CREB5: variants seen among roughly 807,000 people sequenced by gnomAD.
CREB5 encodes cAMP responsive element binding protein 5, also known as cyclic AMP-responsive element-binding protein 5.
A neutral mutation model predicts 57.1 loss-of-function variants in CREB5; 19 were observed. The ratio of observed to expected loss-of-function variants is 0.33; its 90% CI spans 0.23 to 0.49. The LOEUF is 0.49. Among genes scored for constraint, CREB5 ranks in the 20% least tolerant of loss-of-function variants. The probability of loss-of-function intolerance (pLI) is 0.99; values close to 1 mark genes in which losing one functional copy is unlikely to be tolerated. For missense variants in CREB5, 579 were observed against 671.6 expected (o/e 0.86, Z 1.52); for synonymous variants, 238 against 238.3 (o/e 1.00, Z 0.01).
intron 4 of CREB5, among the ~76,000 whole-genome samples, chr7:28,557,227 AG>A (rs559200806): frequency 2.3e-5 from 3 of 128,420 alleles, no homozygotes; most frequent in Non-Finnish European, 5.5e-5. Context: ...CTCAGACTAA[AG>A]CATCACCTTC....
intron 1 of CREB5, among the ~76,000 whole-genome samples, chr7:28,459,502 G>A (rs1254832369): frequency 6.6e-6 from 1 of 152,166 alleles, no homozygotes; most frequent in African/African-American, 2.4e-5. Flanking sequence ...TCCATGGAGT[G>A]ATTTTAGGTT....
chr7:28,696,318 A>G (rs1801557189), intron 5 of CREB5, among the ~76,000 whole-genome samples: 1 of 152,358 alleles, frequency 6.6e-6, no homozygotes, highest in Middle Eastern at 3.4e-3. Flanking sequence ...GATGCACTGA[A>G]TGCAAATCAG....
intron 5 of CREB5, among the ~76,000 whole-genome samples, chr7:28,646,467 C>G (rs1320344083): frequency 1.3e-5 from 2 of 152,160 alleles, no homozygotes; most frequent in Admixed American, 6.5e-5. Context: ...GAGGTGATAC[C>G]TGCTTTATCT....
intron 7 of CREB5, among the ~76,000 whole-genome samples, chr7:28,800,465 C>G (rs1808295949): frequency 6.6e-6 from 1 of 152,186 alleles, no homozygotes; most frequent in South Asian, 2.1e-4. Context: ...GGGCTTGGAC[C>G]TTCATCCCCT....
intron 4 of CREB5, among the ~76,000 whole-genome samples, chr7:28,549,496 G>A (rs1466614808): frequency 6.6e-6 from 1 of 152,166 alleles, no homozygotes; most frequent in Non-Finnish European, 1.5e-5. Flanking sequence ...GATCGCATCT[G>A]GTATTTAGTA....
chr7:28,490,915 C>A (rs1413529146), intron 2 of CREB5, among the ~76,000 whole-genome samples: 2 of 152,182 alleles, frequency 1.3e-5, no homozygotes, highest in Non-Finnish European at 2.9e-5. Flanking sequence ...TGGCAACAGG[C>A]AGGGTAGAAA....
intron 5 of CREB5, among the ~76,000 whole-genome samples, chr7:28,573,568 C>A (rs541278649): frequency 6.6e-6 from 1 of 152,156 alleles, no homozygotes; most frequent in East Asian, 1.9e-4. Flanking sequence ...GGCTCCTGCT[C>A]CCCCCTCTTC....
In CREB5 at chr7:28,506,440, C is replaced by A. The variant is rs534684778; in HGVS notation, c.170-1176C>A. On this transcript the variant is annotated intron_variant, in intron 3 of 10. Transcript: ENST00000357727. Reference sequence around the variant, plus strand: ...CAGTCTAGATCAAGCTGGGAAAATGCCATAATTAATCTAATCCAGTCTACT... The same window carrying A: ...CAGTCTAGATCAAGCTGGGAAAATGACATAATTAATCTAATCCAGTCTACT... Among the ~76,000 whole-genome samples, 4 of 152,246 alleles carry A rather than the reference C, an allele frequency of 2.6e-5. No homozygotes were observed. The South Asian group carries it at 8.3e-4, about 32-fold the overall frequency.
chr7:28,789,163 C>T (rs1484379146), intron 7 of CREB5, among the ~76,000 whole-genome samples: 1 of 152,202 alleles, frequency 6.6e-6, no homozygotes, highest in Non-Finnish European at 1.5e-5. Flanking sequence ...CTGTATTTGT[C>T]ACTATAGATG....
intron 1 of CREB5, among the ~76,000 whole-genome samples, chr7:28,339,896 G>A (rs1367948311): frequency 6.6e-6 from 1 of 152,180 alleles, no homozygotes; most frequent in African/African-American, 2.4e-5. Context: ...AGGAAAAGGA[G>A]TCTCTCCCCA....
intron 1 of CREB5, among the ~76,000 whole-genome samples, chr7:28,421,858 TATATATACCA>T: frequency 6.8e-4 from 1 of 1,470 alleles, no homozygotes; most frequent in African/African-American, 3.1e-3. Context: ...TCTCTCTCTC[TATATATACCA>T]TATATATGGT....
At chr7:28,646,062 AC>A (rs1798876020) in intron 5 of CREB5, among the ~76,000 whole-genome samples, 1 of 152,186 alleles carries the variant, frequency 6.6e-6, no homozygotes, top group Non-Finnish European at 1.5e-5. Flanking sequence ...AACTAGAACT[AC>A]ACCACCAGCA....
At chr7:28,705,498 G>A (rs1410060521) in intron 5 of CREB5, among the ~76,000 whole-genome samples, 1 of 151,232 alleles carries the variant, frequency 6.6e-6, no homozygotes, top group East Asian at 1.9e-4. Context: ...TGTACTGTCA[G>A]TCACTTTCCG....
intron 7 of CREB5, among the ~76,000 whole-genome samples, chr7:28,802,876 A>C (rs1808453534): frequency 6.6e-6 from 1 of 152,272 alleles, no homozygotes; most frequent in South Asian, 2.1e-4. Context: ...CAAAAGTAGA[A>C]TAACATTTCT....
chr7:28,812,610 G>A (rs1249226116), intron 9 of CREB5, among the ~76,000 whole-genome samples: 1 of 152,156 alleles, frequency 6.6e-6, no homozygotes, highest in Non-Finnish European at 1.5e-5. Flanking sequence ...TCTCTGAACA[G>A]ACTAAATTGT....
chr7:28,757,583 G>C (rs1805397019), intron 7 of CREB5, among the ~76,000 whole-genome samples: 2 of 151,714 alleles, frequency 1.3e-5, no homozygotes, highest in Non-Finnish European at 2.9e-5. Flanking sequence ...TGAGGCAGGA[G>C]AATGGCGTGA....
chr7:28,611,211 C>T lies in CREB5; in HGVS notation c.464+40674C>T, dbSNP rs766074346. 2.7e-4 allele frequency among the ~76,000 whole-genome samples: 41 copies of T among 152,082 alleles called. 1 individual carries two copies. The highest frequency in any genetic ancestry group is 5.3e-4 in the Non-Finnish European group (36 of 68,020). On this transcript the variant is annotated intron_variant, in intron 5 of 10. Transcript: ENST00000357727. ...AGGTCTCCCCTGATATGTCCTCAATCTTCTGGTAGTATTGAAGGTCCCAGA... is the reference window on the plus strand; with the variant it reads ...AGGTCTCCCCTGATATGTCCTCAATTTTCTGGTAGTATTGAAGGTCCCAGA...
At chr7:28,416,966 AG>A (rs1175041863) in intron 1 of CREB5, among the ~76,000 whole-genome samples, 2 of 148,168 alleles carry the variant, frequency 1.3e-5, no homozygotes, top group African/African-American at 4.9e-5. Flanking sequence ...GCAAAACAAA[AG>A]GGGGGAAGAA....
chr7:28,647,591 C>A (rs139027357), intron 5 of CREB5, among the ~76,000 whole-genome samples: 1 of 152,248 alleles, frequency 6.6e-6, no homozygotes, highest in East Asian at 1.9e-4. Context: ...CGGAAATCTG[C>A]AACTTCTGGA....
Sources: gnomAD v4.1 joint callset for allele counts (sites outside exome capture counted in the v4.1 genomes callset) on GRCh38, gnomAD v4.1.1 for gene constraint, MANE v1.5 for transcripts, NCBI Gene and HGNC (gene_info 2026-07-23, HGNC 2026-07-21) for gene names.